MIB1: variants seen among roughly 807,000 people sequenced by gnomAD.
The protein encoded by MIB1 is MIB E3 ubiquitin protein ligase 1.
In MIB1, 278 loss-of-function variants were observed where a neutral mutation model predicts 124.5. The observed-to-expected ratio is 2.23, with a 90% CI of 2.02 to 2.47. MIB1 has a LOEUF of 2.47. Among genes scored for constraint, MIB1 ranks in the 30% most tolerant of loss-of-function variants. The pLI is 0.00. For missense variants in MIB1, 957 were observed against 1,254.4 expected, an observed-to-expected ratio of 0.76 and a Z score of 3.58; for synonymous variants, 446 against 429.4, an observed-to-expected ratio of 1.04 and a Z score of -0.48.
At chr18:21,720,088 G>T (rs758680436) in intron 1 of MIB1, among the ~76,000 whole-genome samples, 21 of 152,152 alleles carry the variant, frequency 1.4e-4, no homozygotes, top group Non-Finnish European at 2.9e-4. Context: ...TAAAGGGAAA[G>T]AAACCAGCAT....
intron 6 of MIB1, among the ~76,000 whole-genome samples, chr18:21,780,484 G>A (rs554993640): frequency 6.6e-6 from 1 of 152,282 alleles, no homozygotes; most frequent in Admixed American, 6.5e-5. Context: ...AGAACATGTG[G>A]TATTTGTCTT....
intron 18 of MIB1, among the ~76,000 whole-genome samples, chr18:21,855,284 G>A (rs1217651297): frequency 2.0e-5 from 3 of 152,194 alleles, no homozygotes; most frequent in South Asian, 2.1e-4. Flanking sequence ...TACCCCCATC[G>A]CAGTCATGTT....
At chr18:21,727,267 G>A (rs2040746590) in intron 1 of MIB1, among the ~76,000 whole-genome samples, 1 of 152,054 alleles carries the variant, frequency 6.6e-6, no homozygotes, top group South Asian at 2.1e-4. Flanking sequence ...TGACCACCAC[G>A]GGATTATAGG....
chr18:21,828,977 A>C, intron 12 of MIB1: 1 of 467,078 alleles, frequency 2.1e-6, no homozygotes, highest in South Asian at 1.6e-5. Flanking sequence ...CTTTTAGCTC[A>C]GTTTAATTCT....
rs148003129 is a variant in MIB1, at chr18:21,857,251, G to A, written c.2779+8G>A. Reference sequence around the variant, plus strand: ...ATGCCACTGATGATATCTGTAAGTCGATTGTCTTAAGCATTTTCATATTTT... The same window carrying A: ...ATGCCACTGATGATATCTGTAAGTCAATTGTCTTAAGCATTTTCATATTTT... On this transcript the variant is annotated splice_region_variant and intron_variant, in intron 19 of 20. Coordinates refer to ENST00000261537, the MANE Select transcript of MIB1 (RefSeq NM_020774.4). 980 of 1,594,230 alleles carry A rather than the reference G, an allele frequency of 6.1e-4. No individual in the cohort carries two copies. Among genetic ancestry groups the A allele is most frequent in the Non-Finnish European group, 7.8e-4 (910 of 1,162,036 alleles).
intron 1 of MIB1, among the ~76,000 whole-genome samples, chr18:21,763,287 T>A (rs750087734): frequency 2.6e-5 from 4 of 152,288 alleles, no homozygotes; most frequent in East Asian, 1.9e-4. Context: ...GAGGTAGCAG[T>A]TTTACCATAT....
At chr18:21,805,061 G>T (rs1242890999) in intron 10 of MIB1, among the ~76,000 whole-genome samples, 1 of 152,098 alleles carries the variant, frequency 6.6e-6, no homozygotes, top group Non-Finnish European at 1.5e-5. Flanking sequence ...TGCCCAGGCT[G>T]AAGTGCAATG....
At chr18:21,706,804 G>A (rs954212503) in intron 1 of MIB1, among the ~76,000 whole-genome samples, 3 of 152,142 alleles carry the variant, frequency 2.0e-5, no homozygotes, top group African/African-American at 4.8e-5. Context: ...CGCACCCCCC[G>A]CCCCACTGTG....
chr18:21,770,766 A>G (rs2041216049), intron 3 of MIB1, among the ~76,000 whole-genome samples: 1 of 152,164 alleles, frequency 6.6e-6, no homozygotes. Flanking sequence ...ACTTGAGTAG[A>G]AAGTATAGTA....
intron 1 of MIB1, among the ~76,000 whole-genome samples, chr18:21,733,401 C>T (rs551139230): frequency 2.6e-5 from 4 of 152,234 alleles, no homozygotes; most frequent in African/African-American, 4.8e-5. Context: ...AGCTGGCTAC[C>T]GGCGTGTGTA....
Position 21,846,971 on chromosome 18 carries a change from G to A in MIB1, c.2239G>A (p.Ala747Thr). ...AATAATGGGACTTGGTACCCAGGGG[G>A]CAGAGAAGAAGAGTGCAGCATCTAT... ...TLIMGLGTQG[A>T]EKKSAASIAC... is the part of the protein sequence containing the mutation. The change falls in exon 16 of 21, where the codon GCA (alanine) becomes ACA (threonine). Residue 747 changes from alanine (A) to threonine (T), a missense_variant. Physicochemically the swap from Ala to Thr is moderately conservative, Grantham distance 58. Transcript: ENST00000261537. 1.2e-6 allele frequency: 2 copies of A among 1,614,010 alleles called. No homozygotes were observed. Among genetic ancestry groups the A allele is most frequent in the Non-Finnish European group, 1.7e-6 (2 of 1,179,946 alleles).
chr18:21,797,039 TAAAC>T (rs1172302374), intron 7 of MIB1, among the ~76,000 whole-genome samples: 5 of 152,156 alleles, frequency 3.3e-5, no homozygotes, highest in African/African-American at 7.2e-5. Context: ...GATCTTGATT[TAAAC>T]AAACAAAAAA....
intron 10 of MIB1, among the ~76,000 whole-genome samples, chr18:21,813,782 A>G (rs1483392696): frequency 1.3e-5 from 2 of 152,186 alleles, no homozygotes; most frequent in Admixed American, 6.5e-5. Flanking sequence ...ATGGATTGTC[A>G]GACCCCTTGC....
intron 1 of MIB1, among the ~76,000 whole-genome samples, chr18:21,726,172 A>C (rs759540165): frequency 6.6e-6 from 1 of 152,084 alleles, no homozygotes; most frequent in African/African-American, 2.4e-5. Flanking sequence ...CAAGAACAGG[A>C]GTTTGAGGCT....
intron 1 of MIB1, among the ~76,000 whole-genome samples, chr18:21,710,252 C>A (rs911059901): frequency 1.3e-5 from 2 of 152,088 alleles, no homozygotes; most frequent in Middle Eastern, 3.4e-3. Context: ...TGCACCATCA[C>A]GCCCAGCTAA....
chr18:21,840,781 T>A (rs2042081332), intron 13 of MIB1, among the ~76,000 whole-genome samples: 1 of 150,360 alleles, frequency 6.7e-6, no homozygotes. Context: ...CAGAGAGCCA[T>A]GATGGCGCCA....
intron 17 of MIB1, among the ~76,000 whole-genome samples, chr18:21,851,762 C>T (rs1007603575): frequency 2.0e-5 from 3 of 152,138 alleles, no homozygotes; most frequent in African/African-American, 4.8e-5. Flanking sequence ...GTGGCCAACC[C>T]GGCTATATGT....
At chr18:21,810,783 TGAA>T (rs377119339) in intron 10 of MIB1, among the ~76,000 whole-genome samples, 46 of 152,052 alleles carry the variant, frequency 3.0e-4, no homozygotes, top group African/African-American at 1.1e-3. Flanking sequence ...TAAACCTTTT[TGAA>T]GAAAAAGAGG....
At chr18:21,793,780 T>TAAAAAA (rs2041537029) in intron 7 of MIB1, 1 of 16,282 alleles carries the variant, frequency 6.1e-5, no homozygotes, top group Admixed American at 9.6e-4. Flanking sequence ...AGACCCTGTC[T>TAAAAAA]CAAAAAAAAA....
Sources: allele counts gnomAD v4.1 joint callset (sites outside exome capture counted in the v4.1 genomes callset), GRCh38; gene constraint gnomAD v4.1.1; transcripts MANE v1.5; gene names NCBI Gene and HGNC (gene_info 2026-07-23, HGNC 2026-07-21).